The following ATP6V1H variants were observed in gnomAD, a reference collection of about 807,000 sequenced individuals.
ATP6V1H encodes ATPase H+ transporting V1 subunit H, also known as V-type proton ATPase subunit H.
ATP6V1H carries 39 observed loss-of-function variants against 71.7 expected under a neutral mutation model. The observed-to-expected ratio is 0.54, with a 90% CI of 0.42 to 0.71. ATP6V1H has a LOEUF of 0.71. ATP6V1H is among the 30% of genes least tolerant of loss of function. The probability of loss-of-function intolerance (pLI) is 0.00; values close to 1 mark genes in which losing one functional copy is unlikely to be tolerated. For synonymous variants in ATP6V1H, 192 were observed against 199.3 expected, an observed-to-expected ratio of 0.96 and a Z score of 0.31; for missense variants, 509 against 594.9, an observed-to-expected ratio of 0.86 and a Z score of 1.50.
At position 53,715,792 on chromosome 8, in the gene ATP6V1H, CT is replaced by C. The variant is rs1444456796; in HGVS notation, c.*171del. On this transcript the variant is annotated 3_prime_UTR_variant, in exon 14 of 14. Transcript: ENST00000359530. ...TACAGAATCACCTACTTTTATACAA[CT>C]TAACAGGCAAACATGTTATTTTGTT... 1.9e-6 allele frequency: 1 copy of C among 521,714 alleles called. No individual in the cohort carries two copies. Among genetic ancestry groups the C allele is most frequent in the African/African-American group, 1.9e-5 (1 of 51,758 alleles). The allele number at this position is 521,714 out of a possible 1,614,324, so 32.3% of individuals were successfully genotyped here. A position where few individuals can be genotyped will look rare whatever the true frequency, so the allele number is the denominator to read the frequency against.
At chr8:53,832,533 T>C (rs1371404816) in intron 3 of ATP6V1H, 1 of 152,112 alleles carries the variant, frequency 6.6e-6, no homozygotes, top group East Asian at 1.9e-4. Context: ...CAAAACCTTA[T>C]ATATTAAAAT....
chr8:53,726,060 T>C (rs994836455), intron 13 of ATP6V1H, among the ~76,000 whole-genome samples: 2 of 149,292 alleles, frequency 1.3e-5, no homozygotes, highest in Non-Finnish European at 2.9e-5. Flanking sequence ...GATTATTCCA[T>C]TAAAAACATT....
At chr8:53,721,523 T>C (rs778111587) in intron 13 of ATP6V1H, among the ~76,000 whole-genome samples, 9 of 152,230 alleles carry the variant, frequency 5.9e-5, no homozygotes, top group Admixed American at 6.5e-5. Context: ...CATTTTCTTA[T>C]GTACTCTTCA....
At chr8:53,722,083 C>G (rs759392441) in intron 13 of ATP6V1H, among the ~76,000 whole-genome samples, 1 of 152,206 alleles carries the variant, frequency 6.6e-6, no homozygotes, top group Non-Finnish European at 1.5e-5. Flanking sequence ...ACAGGAATTC[C>G]ACTAATCAAA....
chr8:53,798,278 C>G (rs1398198131), intron 8 of ATP6V1H, among the ~76,000 whole-genome samples: 4 of 152,048 alleles, frequency 2.6e-5, no homozygotes, highest in African/African-American at 9.7e-5. Flanking sequence ...ATAATCCCAG[C>G]ACTTTGGGAG....
intron 13 of ATP6V1H, among the ~76,000 whole-genome samples, chr8:53,736,281 A>T (rs1431744900): frequency 6.6e-6 from 1 of 152,166 alleles, no homozygotes; most frequent in East Asian, 1.9e-4. Flanking sequence ...TTAAGCATAT[A>T]AACCAAAAGT....
intron 4 of ATP6V1H, among the ~76,000 whole-genome samples, chr8:53,820,133 G>T (rs948928028): frequency 2.0e-5 from 3 of 151,880 alleles, no homozygotes; most frequent in African/African-American, 7.3e-5. Context: ...GCACAGGAAG[G>T]AAGAAGTTCT....
At chr8:53,747,983 C>G (rs1422450876) in intron 12 of ATP6V1H, among the ~76,000 whole-genome samples, 1 of 151,808 alleles carries the variant, frequency 6.6e-6, no homozygotes, top group Non-Finnish European at 1.5e-5. Context: ...CTGACCAACA[C>G]AGTAAAACCC....
chr8:53,834,410 A>G (rs1811095139), intron 2 of ATP6V1H, among the ~76,000 whole-genome samples: 1 of 152,110 alleles, frequency 6.6e-6, no homozygotes, highest in Non-Finnish European at 1.5e-5. Context: ...AACAACACCA[A>G]TATAGTTTTT....
At chr8:53,719,127 TG>T (rs1023969417) in intron 13 of ATP6V1H, among the ~76,000 whole-genome samples, 86 of 152,270 alleles carry the variant, frequency 5.6e-4, no homozygotes, top group African/African-American at 2.0e-3. Flanking sequence ...ATACGAACTT[TG>T]GGGAAAATCC....
intron 13 of ATP6V1H, among the ~76,000 whole-genome samples, chr8:53,739,339 C>A (rs180695814): frequency 6.6e-5 from 10 of 152,096 alleles, no homozygotes; most frequent in Admixed American, 6.5e-4. Flanking sequence ...TCTGCACTTA[C>A]AGAATAACTA....
intron 9 of ATP6V1H, among the ~76,000 whole-genome samples, chr8:53,791,727 A>G (rs1585792983): frequency 6.6e-6 from 1 of 151,434 alleles, no homozygotes; most frequent in South Asian, 2.1e-4. Flanking sequence ...TCCTCCTCAC[A>G]CCCCTCCTCT....
intron 11 of ATP6V1H, among the ~76,000 whole-genome samples, chr8:53,764,091 G>A (rs1808367973): frequency 6.6e-6 from 1 of 152,144 alleles, no homozygotes; most frequent in South Asian, 2.1e-4. Flanking sequence ...GGTAAATTAT[G>A]TCAAACATTT....
rs113821486 is a variant in ATP6V1H, at chr8:53,771,488, G to A, written c.1049+501C>T. Among the ~76,000 whole-genome samples the A allele has an allele frequency of 5.9e-5, 9 of 152,250 alleles. 1 individual carries two copies. The highest frequency in any genetic ancestry group is 2.2e-4 in the African/African-American group (9 of 41,560). On this transcript the variant is annotated intron_variant, in intron 10 of 13. Coordinates refer to ENST00000359530, the MANE Select transcript of ATP6V1H (RefSeq NM_015941.4). ...AAGCAAACACAAGAGACCCGAGGGA[G>A]AGTGAGGCGAGGCAGTGAAGATGGT... is the stretch of plus-strand genomic sequence containing the variant.
chr8:53,832,018 T>C (rs561672974), intron 3 of ATP6V1H: 31 of 152,084 alleles, frequency 2.0e-4, no homozygotes, highest in Non-Finnish European at 3.7e-4. Context: ...TTATGGTTCA[T>C]CCATTAAATG....
Position 53,715,666 on chromosome 8 carries a change from C to T in ATP6V1H, c.*298G>A. 7.1e-6 allele frequency: 2 copies of T among 280,834 alleles called. No homozygotes were observed. Among genetic ancestry groups the T allele is most frequent in the Non-Finnish European group, 1.3e-5 (2 of 153,464 alleles). 17.4% of individuals were successfully genotyped at this position (280,834 alleles called of 1,614,324 possible). ...TCAAAGTCCAAGTAAAGAGAGAGGCCATGTTTGGAGTGAGAATCCTTTAAT... is the reference window on the plus strand; with the variant it reads ...TCAAAGTCCAAGTAAAGAGAGAGGCTATGTTTGGAGTGAGAATCCTTTAAT... On this transcript the variant is annotated 3_prime_UTR_variant, in exon 14 of 14. Transcript: ENST00000359530.
chr8:53,768,800 G>T lies in ATP6V1H; in HGVS notation c.1175+818C>A, dbSNP rs139915889. 7.8e-4 allele frequency among the ~76,000 whole-genome samples: 119 copies of T among 152,268 alleles called. 1 individual carries two copies. The highest frequency in any genetic ancestry group is 2.7e-3 in the African/African-American group (114 of 41,564). ...GTGGATAGAGAGGTGACGGCCAAAG[G>T]ATATGGGGTTTCTTTTTGAAGCAAT... On this transcript the variant is annotated intron_variant, in intron 11 of 13. Coordinates refer to ENST00000359530, the MANE Select transcript of ATP6V1H (RefSeq NM_015941.4).
At chr8:53,835,669 A>G (rs1265701466) in intron 2 of ATP6V1H, among the ~76,000 whole-genome samples, 1 of 142,558 alleles carries the variant, frequency 7.0e-6, no homozygotes, top group Non-Finnish European at 1.5e-5. Context: ...ACACATGCTC[A>G]TTTTTTAACA....
intron 8 of ATP6V1H, among the ~76,000 whole-genome samples, chr8:53,799,211 T>C (rs563886107): frequency 6.6e-6 from 1 of 152,236 alleles, no homozygotes; most frequent in East Asian, 1.9e-4. Context: ...ATAAACCACA[T>C]ATTATTGAAT....
Sources: allele counts gnomAD v4.1 joint callset (sites outside exome capture counted in the v4.1 genomes callset), GRCh38; gene constraint gnomAD v4.1.1; transcripts MANE v1.5; gene names NCBI Gene and HGNC (gene_info 2026-07-23, HGNC 2026-07-21).